TENT4B: variants seen among roughly 807,000 people sequenced by gnomAD.
TENT4B encodes the protein terminal nucleotidyltransferase 4B, also known as PAP associated domain containing 5.
TENT4B carries 10 observed loss-of-function variants against 75.0 expected under a neutral mutation model. That is an observed-to-expected ratio of 0.13 (90% CI 0.08 to 0.23). TENT4B has a LOEUF of 0.23. Ranked by LOEUF, TENT4B falls within the 10% of genes least tolerant of loss-of-function variation. TENT4B has a pLI of 1.00. For missense variants in TENT4B, 579 were observed against 893.8 expected, an observed-to-expected ratio of 0.65 and a Z score of 4.49; for synonymous variants, 350 against 357.7, an observed-to-expected ratio of 0.98 and a Z score of 0.24.
chr16:50,212,636 T>C (rs572263521), intron 2 of TENT4B, among the ~76,000 whole-genome samples: 1 of 152,306 alleles, frequency 6.6e-6, no homozygotes, highest in East Asian at 1.9e-4. Flanking sequence ...AGGGTACTAA[T>C]GTTTTATGAG....
chr16:50,208,903 T>A (rs1394751721), intron 1 of TENT4B, among the ~76,000 whole-genome samples: 3 of 152,186 alleles, frequency 2.0e-5, no homozygotes, highest in Admixed American at 6.5e-5. Flanking sequence ...CAGCTAATTT[T>A]TATATTTTTA....
In TENT4B at chr16:50,230,325, C is replaced by T; in HGVS notation, c.*997C>T. The T allele has an allele frequency of 2.0e-6, 2 of 982,026 alleles. No homozygotes were observed. The highest frequency in any genetic ancestry group is 2.4e-6 in the Non-Finnish European group (2 of 827,382). The allele number at this position is 982,026 out of a possible 1,614,324, so 60.8% of individuals were successfully genotyped here. ...GAAAAAAAAAAAAAAAAAGGTCACCCATGTCTGGTCTCATTCCTGTTGCAG... is the reference window on the plus strand; with the variant it reads ...GAAAAAAAAAAAAAAAAAGGTCACCTATGTCTGGTCTCATTCCTGTTGCAG... On this transcript the variant is annotated 3_prime_UTR_variant, in exon 12 of 12. Transcript: ENST00000561678.
intron 1 of TENT4B, among the ~76,000 whole-genome samples, chr16:50,200,756 T>C (rs1401466885): frequency 6.6e-6 from 1 of 152,154 alleles, no homozygotes; most frequent in Non-Finnish European, 1.5e-5. Context: ...GTTCTTTGTC[T>C]ATTTTGAATA....
At chr16:50,162,657 A>T (rs7194940) in intron 1 of TENT4B, among the ~76,000 whole-genome samples, 1 of 152,082 alleles carries the variant, frequency 6.6e-6, no homozygotes, top group African/African-American at 2.4e-5. Context: ...TTAATTTTCC[A>T]GTTTTTCTTT....
At chr16:50,229,111 T>C in intron 11 of TENT4B, 41 bp from the exon 12 acceptor site, 1 of 1,602,576 alleles carries the variant, frequency 6.2e-7, no homozygotes, top group Non-Finnish European at 8.5e-7. Context: ...TCTGCTTTTC[T>C]GCAATACTGA....
At chr16:50,207,194 T>A (rs1169235177) in intron 1 of TENT4B, among the ~76,000 whole-genome samples, 1 of 152,064 alleles carries the variant, frequency 6.6e-6, no homozygotes, top group African/African-American at 2.4e-5. Context: ...ATTTTTTTAT[T>A]TTTTTGAGAC....
At chr16:50,192,883 A>T (rs1302595775) in intron 1 of TENT4B, among the ~76,000 whole-genome samples, 1 of 152,126 alleles carries the variant, frequency 6.6e-6, no homozygotes, top group Non-Finnish European at 1.5e-5. Context: ...GGAGCTTGAG[A>T]TCAGCCTGAG....
chr16:50,214,181 T>C, intron 2 of TENT4B, 40 bp from the exon 3 acceptor site: 2 of 1,452,038 alleles, frequency 1.4e-6, no homozygotes, highest in Non-Finnish European at 1.9e-6. Context: ...TAACAACTTC[T>C]GATAACTCAA....
chr16:50,227,864 C>T lies in TENT4B; in HGVS notation c.1826C>T (p.Thr609Ile). The T allele has an allele frequency of 6.2e-7, 1 of 1,613,948 alleles. No individual in the cohort carries two copies. The highest frequency in any genetic ancestry group is 8.5e-7 in the Non-Finnish European group (1 of 1,179,888). Residue 609 changes from threonine to isoleucine, a missense_variant, in exon 11 of 12, where the codon ACC becomes ATC. Thr to Ile is a moderately conservative substitution (Grantham distance 89, BLOSUM62 -1). This residue lies in a region of TENT4B where 164 missense variants were observed against 226.5 expected (regional missense o/e 0.72). Coordinates refer to ENST00000561678, the MANE Select transcript of TENT4B (RefSeq NM_001365324.3). ...DVDSDATPCK[T>I]PKQLLCRPST... ...GATTCCGATGCAACACCATGCAAAA[C>T]CCCGAAACAGCTGCTTTGCCGTCCG...
chr16:50,223,778 A>G (rs1239237544), intron 7 of TENT4B, among the ~76,000 whole-genome samples: 1 of 152,210 alleles, frequency 6.6e-6, no homozygotes, highest in African/African-American at 2.4e-5. Context: ...GCATAGTAAT[A>G]TATCTTTGAA....
chr16:50,226,052 T>G (rs1336275160), intron 10 of TENT4B, among the ~76,000 whole-genome samples: 2 of 151,930 alleles, frequency 1.3e-5, no homozygotes, highest in Admixed American at 1.3e-4. Flanking sequence ...CAGGCTGGAA[T>G]GTAATGGCAT....
intron 1 of TENT4B, among the ~76,000 whole-genome samples, chr16:50,184,963 T>C (rs1380611684): frequency 2.6e-5 from 4 of 152,144 alleles, no homozygotes; most frequent in Admixed American, 2.6e-4. Flanking sequence ...TGTTGTGTTC[T>C]CACATTCCCT....
intron 11 of TENT4B, 26 bp from the exon 12 acceptor site, chr16:50,229,126 T>G (rs1346271673): frequency 2.5e-6 from 4 of 1,610,190 alleles, no homozygotes; most frequent in Non-Finnish European, 3.4e-6. Context: ...TACTGATGTC[T>G]TTGTGGTCGT....
chr16:50,166,437 A>C (rs917869205), intron 1 of TENT4B, among the ~76,000 whole-genome samples: 2 of 152,162 alleles, frequency 1.3e-5, no homozygotes, highest in Admixed American at 1.3e-4. Flanking sequence ...AGTGGGTATG[A>C]AGTAAGTGTG....
At chr16:50,217,193 A>G (rs1288308379) in intron 4 of TENT4B, among the ~76,000 whole-genome samples, 4 of 152,224 alleles carry the variant, frequency 2.6e-5, no homozygotes, top group Admixed American at 2.6e-4. Flanking sequence ...AAATGAGATG[A>G]TGGGCATATT....
chr16:50,174,627 T>C lies in TENT4B; in HGVS notation c.638+20368T>C, dbSNP rs145262841. ...TATTTTGAAATATACAATAAATTATTATCTATAAGTCACCTCATTGTGCTG... is the reference window on the plus strand; with the variant it reads ...TATTTTGAAATATACAATAAATTATCATCTATAAGTCACCTCATTGTGCTG... On this transcript the variant is annotated intron_variant, in intron 1 of 11. Transcript: ENST00000561678. Among the ~76,000 whole-genome samples the C allele has an allele frequency of 7.9e-3, 1,207 of 152,232 alleles. 16 individuals are homozygous for C. The highest frequency in any genetic ancestry group is 0.054 in the Middle Eastern group (16 of 294).
chr16:50,169,463 A>T (rs537362365), intron 1 of TENT4B, among the ~76,000 whole-genome samples: 2 of 136,520 alleles, frequency 1.5e-5, no homozygotes, highest in Non-Finnish European at 3.0e-5. Context: ...GAAGACACAT[A>T]TCTTAATGTC....
intron 1 of TENT4B, among the ~76,000 whole-genome samples, chr16:50,196,514 TC>T (rs2030264546): frequency 6.6e-6 from 1 of 151,996 alleles, no homozygotes; most frequent in Non-Finnish European, 1.5e-5. Context: ...ATCATCATCA[TC>T]ATCATCATCA....
chr16:50,234,069 A>G lies in TENT4B; in HGVS notation c.*4741A>G. The G allele has an allele frequency of 1.0e-6, 1 of 985,440 alleles. No homozygotes were observed. Among genetic ancestry groups the G allele is most frequent in the Non-Finnish European group, 1.2e-6 (1 of 829,930 alleles). The allele number at this position is 985,440 out of a possible 1,614,324, so 61.0% of individuals were successfully genotyped here. A position where few individuals can be genotyped will look rare whatever the true frequency, so the allele number is the denominator to read the frequency against. ...GTAACATGGAAGGTCTCTCCTAAGG[A>G]CAGTCTGGACGTATTTTGGGGGAAT... On this transcript the variant is annotated 3_prime_UTR_variant, in exon 12 of 12. Coordinates refer to ENST00000561678, the MANE Select transcript of TENT4B (RefSeq NM_001365324.3).
Sources: allele counts gnomAD v4.1 joint callset (sites outside exome capture counted in the v4.1 genomes callset), GRCh38; gene constraint gnomAD v4.1.1; regional missense constraint gnomAD v4.1.1; transcripts MANE v1.5; gene names NCBI Gene and HGNC (gene_info 2026-07-23, HGNC 2026-07-21).